ANKFY1: variants seen among roughly 807,000 people sequenced by gnomAD.
The protein encoded by ANKFY1 is ankyrin repeat and FYVE domain containing 1.
A neutral mutation model predicts 128.3 loss-of-function variants in ANKFY1; 47 were observed. That is an observed-to-expected ratio of 0.37 (90% CI 0.29 to 0.47). The LOEUF is 0.47. Among genes scored for constraint, ANKFY1 ranks in the 20% least tolerant of loss-of-function variants. ANKFY1 has a pLI of 1.00. For synonymous variants in ANKFY1, 553 were observed against 601.6 expected, an observed-to-expected ratio of 0.92 and a Z score of 1.18; for missense variants, 1,222 against 1,510.6, an observed-to-expected ratio of 0.81 and a Z score of 3.17.
chr17:4,252,829 C>T (rs1445413274), intron 1 of ANKFY1, among the ~76,000 whole-genome samples: 8 of 152,150 alleles, frequency 5.3e-5, no homozygotes, highest in Admixed American at 4.6e-4. Context: ...TGTCACACAT[C>T]CATATAATGG....
intron 3 of ANKFY1, chr17:4,222,064 T>G (rs1331106935): frequency 6.6e-6 from 1 of 151,876 alleles, no homozygotes; most frequent in Non-Finnish European, 1.5e-5. Flanking sequence ...GCAGCCGCCC[T>G]AGGCTCAGGG....
chr17:4,201,567 T>C (rs2143012939), intron 7 of ANKFY1, among the ~76,000 whole-genome samples: 1 of 151,914 alleles, frequency 6.6e-6, no homozygotes, highest in South Asian at 2.1e-4. Flanking sequence ...TGGATTTGAC[T>C]GGTTAGGGCT....
rs980513659 is a variant in ANKFY1 at position 4,222,727 on chromosome 17, C to T, written c.323-5609G>A. 8.7e-6 allele frequency: 8 copies of T among 914,582 alleles called. No homozygotes were observed. In the African/African-American group the frequency reaches 1.1e-4, roughly 13 times the overall value. 56.7% of individuals were successfully genotyped at this position (914,582 alleles called of 1,614,324 possible). ...CGTGTTTTATATTAGGGTAGGGTTT[C>T]TTGTGCAGTAATATTTCTCGTAGCA... is the stretch of plus-strand genomic sequence containing the variant. On this transcript the variant is annotated intron_variant, in intron 3 of 24. Transcript: ENST00000341657.
chr17:4,215,702 A>G (rs1243209067), intron 4 of ANKFY1, among the ~76,000 whole-genome samples: 1 of 152,130 alleles, frequency 6.6e-6, no homozygotes, highest in Admixed American at 6.5e-5. Context: ...AACAAACAAC[A>G]AACAGTTTAA....
intron 2 of ANKFY1, among the ~76,000 whole-genome samples, 168 bp downstream of exon 2, chr17:4,242,088 C>A (rs1487607635): frequency 1.2e-4 from 16 of 132,388 alleles, no homozygotes; most frequent in African/African-American, 2.6e-4. Flanking sequence ...GACTCCAACT[C>A]AAAAAAAAAA....
At chr17:4,217,419 G>C (rs563223409) in intron 3 of ANKFY1, among the ~76,000 whole-genome samples, 1 of 152,062 alleles carries the variant, frequency 6.6e-6, no homozygotes, top group Non-Finnish European at 1.5e-5. Context: ...GCCTGGTGGC[G>C]TGCACCTGTA....
In ANKFY1 at chr17:4,177,786, C is replaced by T. The variant is rs576153696; in HGVS notation, c.2599-484G>A. 1.5e-3 allele frequency: 231 copies of T among 153,492 alleles called. 2 individuals are homozygous for T. The highest frequency in any genetic ancestry group is 0.013 in the Middle Eastern group (4 of 300). 9.5% of individuals were successfully genotyped at this position (153,492 alleles called of 1,614,324 possible). ...GGTTGAGAAACGTGGAGAAAGTTTCCTCTTACTGAGCTACGCTCTATACAC... is the reference window on the plus strand; with the variant it reads ...GGTTGAGAAACGTGGAGAAAGTTTCTTCTTACTGAGCTACGCTCTATACAC... On this transcript the variant is annotated intron_variant, in intron 18 of 24. Transcript: ENST00000341657.
At chr17:4,215,287 T>TAA (rs11422192) in intron 4 of ANKFY1, among the ~76,000 whole-genome samples, 1,327 of 128,924 alleles carry the variant, frequency 0.01, 20 homozygotes, top group South Asian at 0.046. Context: ...GGCTGTCTTC[T>TAA]AAAAAAAAAA....
intron 1 of ANKFY1, among the ~76,000 whole-genome samples, chr17:4,244,427 C>CT (rs745340525): frequency 2.0e-5 from 3 of 152,136 alleles, no homozygotes; most frequent in Non-Finnish European, 4.4e-5. Context: ...GCTCTGGAGT[C>CT]TTGAGAAGGG....
In ANKFY1 at chr17:4,167,540, C is replaced by T. The variant is rs151082540; in HGVS notation, c.*239G>A. On this transcript the variant is annotated 3_prime_UTR_variant, in exon 25 of 25. Coordinates refer to ENST00000341657, the MANE Select transcript of ANKFY1 (RefSeq NM_001330063.2). This position sits in a 1 kb window ranked among gnomAD's most constrained non-coding sequence, Gnocchi z 4.1. ...CCTAATCACATTTACCACTTAGGCC[C>T]AATGGCCTGGTCTGATGAGTGAGAC... 1 of 394,636 alleles carries T rather than the reference C, an allele frequency of 2.5e-6. No individual in the cohort carries two copies. The highest frequency in any genetic ancestry group is 4.5e-6 in the Non-Finnish European group (1 of 222,850). The allele number at this position is 394,636 out of a possible 1,614,324, so 24.4% of individuals were successfully genotyped here. A position where few individuals can be genotyped will look rare whatever the true frequency, so the allele number is the denominator to read the frequency against.
At chr17:4,193,084 G>A (rs1384614002) in intron 10 of ANKFY1, among the ~76,000 whole-genome samples, 1 of 152,154 alleles carries the variant, frequency 6.6e-6, no homozygotes, top group Non-Finnish European at 1.5e-5. Context: ...GACAGATCAA[G>A]CAGTCCAAAA....
At chr17:4,222,282 G>C (rs2060336207) in intron 3 of ANKFY1, 1 of 657,310 alleles carries the variant, frequency 1.5e-6, no homozygotes, top group South Asian at 1.6e-5. Context: ...GCCTCTACCT[G>C]AGTGAGGATG....
intron 3 of ANKFY1, among the ~76,000 whole-genome samples, chr17:4,232,112 A>C (rs187107495): frequency 6.6e-6 from 1 of 152,322 alleles, no homozygotes; most frequent in East Asian, 1.9e-4. Context: ...TTTTATATGA[A>C]TGGATTAATG....
chr17:4,260,604 T>C (rs774942591), intron 1 of ANKFY1, among the ~76,000 whole-genome samples: 19 of 112,528 alleles, frequency 1.7e-4, no homozygotes, highest in Non-Finnish European at 8.4e-5. Flanking sequence ...GGTGACGGAG[T>C]GAGATCCTGT....
In ANKFY1 at chr17:4,181,243, G is replaced by A; in HGVS notation, c.2240+11C>T. 6 of 1,604,496 alleles carry A rather than the reference G, an allele frequency of 3.7e-6. No homozygotes were observed. The highest frequency in any genetic ancestry group is 5.1e-6 in the Non-Finnish European group (6 of 1,171,276). ...TAAAAAGCTGTGGAGAGATACTGGGGACTCTCAGACCTGCGAATAAGAAAG... is the reference window on the plus strand; with the variant it reads ...TAAAAAGCTGTGGAGAGATACTGGGAACTCTCAGACCTGCGAATAAGAAAG... On this transcript the variant is annotated intron_variant, in intron 16 of 24. Coordinates refer to ENST00000341657, the MANE Select transcript of ANKFY1 (RefSeq NM_001330063.2). The surrounding 1 kb of genome is among the most constrained non-coding windows in gnomAD (Gnocchi z 4.9).
chr17:4,226,214 T>A (rs1312106602), intron 3 of ANKFY1, among the ~76,000 whole-genome samples: 3 of 152,144 alleles, frequency 2.0e-5, no homozygotes, highest in African/African-American at 7.2e-5. Flanking sequence ...ATGTTACCAC[T>A]CTCCTTTAAG....
In ANKFY1 at chr17:4,263,817, C is replaced by G. The variant is rs1333039303; in HGVS notation, c.10+115G>C. The G allele has an allele frequency of 1.0e-5, 16 of 1,607,972 alleles. No homozygotes were observed. In the African/African-American group the frequency reaches 1.5e-4, roughly 15 times the overall value. ...GGCTAGACAGGAAGGCTCGCGAGAC[C>G]CGCGGAGCCCCCATGCAACCACGCC... On this transcript the variant is annotated intron_variant, in intron 1 of 24. Coordinates refer to ENST00000341657, the MANE Select transcript of ANKFY1 (RefSeq NM_001330063.2).
intron 4 of ANKFY1, among the ~76,000 whole-genome samples, chr17:4,212,484 G>A (rs1157117486): frequency 6.6e-6 from 1 of 152,176 alleles, no homozygotes; most frequent in Non-Finnish European, 1.5e-5. Context: ...CACAGCTTGA[G>A]GTATGTAGTA....
chr17:4,191,237 T>C (rs1361896881), intron 10 of ANKFY1: 1 of 152,300 alleles, frequency 6.6e-6, no homozygotes, highest in South Asian at 2.1e-4. Flanking sequence ...TAGTTGATGG[T>C]TGCTCTATAC....
Sources: allele counts gnomAD v4.1 joint callset (sites outside exome capture counted in the v4.1 genomes callset), GRCh38; gene constraint gnomAD v4.1.1; non-coding constraint Gnocchi (gnomAD v3.1); transcripts MANE v1.5; gene names NCBI Gene and HGNC (gene_info 2026-07-23, HGNC 2026-07-21).